DEAF1: variants seen among roughly 807,000 people sequenced by gnomAD.
DEAF1 encodes the protein deformed epidermal autoregulatory factor 1 homolog.
In DEAF1, 53 loss-of-function variants were observed where a neutral mutation model predicts 58.9. That is an observed-to-expected ratio of 0.90 (90% CI 0.72 to 1.13). The LOEUF (loss-of-function observed/expected upper bound fraction) is 1.13, where lower values mean the gene tolerates loss of function less well. Among genes scored for constraint, DEAF1 ranks in the 50% most tolerant of loss-of-function variants. DEAF1 has a pLI of 0.00. For missense variants in DEAF1, 685 were observed against 791.4 expected, an observed-to-expected ratio of 0.87 and a Z score of 1.61; for synonymous variants, 385 against 340.4, an observed-to-expected ratio of 1.13 and a Z score of -1.44.
chr11:685,869 G>A (rs182305772), intron 5 of DEAF1, among the ~76,000 whole-genome samples: 3 of 151,858 alleles, frequency 2.0e-5, no homozygotes, highest in East Asian at 2.0e-4. Context: ...ATTAGGCCGG[G>A]TATTGTGGCT....
chr11:681,411 CTTTTT>C (rs145689269), intron 6 of DEAF1, among the ~76,000 whole-genome samples: 18 of 123,136 alleles, frequency 1.5e-4, no homozygotes, highest in Non-Finnish European at 1.9e-4. Flanking sequence ...TTCTTTCTTT[CTTTTT>C]TTTTTTTTTT....
At chr11:703,010 A>G in intron 1 of DEAF1, 1 of 1,612,280 alleles carries the variant, frequency 6.2e-7, no homozygotes, top group South Asian at 1.1e-5. Flanking sequence ...CACGGCTGGC[A>G]CCGCCCTCCT....
At chr11:684,510 T>G (rs889265005) in intron 6 of DEAF1, among the ~76,000 whole-genome samples, 4 of 152,144 alleles carry the variant, frequency 2.6e-5, no homozygotes, top group African/African-American at 9.7e-5. Context: ...CGTTAAAAGC[T>G]CTACACATGA....
intron 1 of DEAF1, among the ~76,000 whole-genome samples, chr11:701,511 C>T (rs11246272): frequency 0.88 from 132,068 of 149,482 alleles, 58,583 homozygotes; most frequent in East Asian, 1. Flanking sequence ...CCCGGGTTCA[C>T]GCCAGTCTCC....
intron 6 of DEAF1, 49 bp from the exon 7 acceptor site, chr11:681,138 T>C (rs901764406): frequency 1.9e-5 from 30 of 1,612,352 alleles, no homozygotes; most frequent in Middle Eastern, 2.0e-4. Flanking sequence ...GCAAAAGCTA[T>C]GCTGCGCTTG....
intron 1 of DEAF1, among the ~76,000 whole-genome samples, chr11:702,520 T>C (rs1443109734): frequency 1.3e-5 from 2 of 152,230 alleles, no homozygotes. Context: ...GTTTTGTTTT[T>C]AATACATACT....
upstream of DEAF1, chr11:699,888 G>T: frequency 2.1e-6 from 1 of 470,994 alleles, no homozygotes; most frequent in Non-Finnish European, 3.8e-6. Flanking sequence ...CAGGAGGGCA[G>T]GGGCTGCAGT....
chr11:704,620 C>G, intron 1 of DEAF1: 1 of 1,289,368 alleles, frequency 7.8e-7, no homozygotes, highest in South Asian at 1.2e-5. Context: ...CTCCCTGAAG[C>G]TGGAGACCTG....
At position 677,442 on chromosome 11, in the gene DEAF1, G is replaced by A. The variant is rs1442657150; in HGVS notation, c.1255+1252C>T. 3.9e-5 allele frequency among the ~76,000 whole-genome samples: 4 copies of A among 103,708 alleles called. 2 individuals are homozygous for A. Among genetic ancestry groups the A allele is most frequent in the African/African-American group, 5.8e-5 (2 of 34,336 alleles). The allele number at this position is 103,708 out of a possible 152,430, so 68.0% of individuals were successfully genotyped here. A position where few individuals can be genotyped will look rare whatever the true frequency, so the allele number is the denominator to read the frequency against. Reference sequence around the variant, plus strand: ...CTCAAAAAAAAAACAAAAAAAGGATGAGCCACCACGCCCAGCCCTGAGGTA... The same window carrying A: ...CTCAAAAAAAAAACAAAAAAAGGATAAGCCACCACGCCCAGCCCTGAGGTA... On this transcript the variant is annotated intron_variant, in intron 9 of 11. Transcript: ENST00000382409.
chr11:701,411 T>C (rs1241870184), intron 1 of DEAF1, among the ~76,000 whole-genome samples: 3 of 131,370 alleles, frequency 2.3e-5, no homozygotes, highest in Non-Finnish European at 3.3e-5. Context: ...GGTTTCTTTT[T>C]TTTTTTTTTT....
At position 694,930 on chromosome 11, in the gene DEAF1, G is replaced by A; in HGVS notation, c.118C>T (p.Pro40Ser). The change falls in exon 1 of 12, where the codon CCG becomes TCG. Residue 40 changes from proline (P) to serine (S), a missense_variant. Physicochemically the swap from Pro to Ser is moderately conservative, Grantham distance 74 (BLOSUM62 -1). Around this residue, in one of 3 missense-constraint regions of DEAF1, gnomAD observed 210 missense variants for 177.3 expected, o/e 1.18. Transcript: ENST00000382409. The part of the protein sequence containing the change: ...AAAAGGEAEE[P>S]VLSRDEDSEE... ...GAGTCCTCGTCCCTGCTCAGCACCG[G>A]CTCCTCCGCCTCGCCTCCTGCCGCG... 2.9e-6 allele frequency: 4 copies of A among 1,358,756 alleles called. No homozygotes were observed. The highest frequency in any genetic ancestry group is 2.9e-6 in the Non-Finnish European group (3 of 1,052,024). The allele number at this position is 1,358,756 out of a possible 1,614,324, so 84.2% of individuals were successfully genotyped here.
rs1457883098 is a variant in DEAF1, at chr11:644,374, T to C, written c.*176A>G. 1 of 650,664 alleles carries C rather than the reference T, an allele frequency of 1.5e-6. No individual in the cohort carries two copies. Among genetic ancestry groups the C allele is most frequent in the East Asian group, 2.7e-5 (1 of 36,372 alleles). The allele number at this position is 650,664 out of a possible 1,614,324, so 40.3% of individuals were successfully genotyped here. A position where few individuals can be genotyped will look rare whatever the true frequency, so the allele number is the denominator to read the frequency against. On this transcript the variant is annotated 3_prime_UTR_variant, in exon 12 of 12. Coordinates refer to ENST00000382409, the MANE Select transcript of DEAF1 (RefSeq NM_021008.4). The surrounding 1 kb of genome is among the most constrained non-coding windows in gnomAD (Gnocchi z 4.3). Reference sequence around the variant, plus strand: ...GGGCAGGGGGCCCGGGCAGGGGGAGTGCGCTTCCCAGGGCACCATTCGCTT... The same window carrying C: ...GGGCAGGGGGCCCGGGCAGGGGGAGCGCGCTTCCCAGGGCACCATTCGCTT...
chr11:647,849 G>C (rs866738015), intron 11 of DEAF1, among the ~76,000 whole-genome samples: 239 of 149,020 alleles, frequency 1.6e-3, no homozygotes, highest in South Asian at 2.4e-3. Context: ...GCGGTGCTGG[G>C]AGCAGGTGGG....
At position 644,757 on chromosome 11, in the gene DEAF1, C is replaced by CCAGGTGAGGTT; in HGVS notation, c.1594-104_1594-103insAACCTCACCTG. On this transcript the variant is annotated intron_variant, in intron 11 of 11. Coordinates refer to ENST00000382409, the MANE Select transcript of DEAF1 (RefSeq NM_021008.4). This position sits in a 1 kb window ranked among gnomAD's most constrained non-coding sequence, Gnocchi z 4.3. ...CAGAGGGTGCAGCCCTCTGTAACCT[C>CCAGGTGAGGTT]ACCTGGAGGTGCTGAGAATGCCCTC... 1 of 898,722 alleles carries CCAGGTGAGGTT rather than the reference C, an allele frequency of 1.1e-6. No homozygotes were observed. The highest frequency in any genetic ancestry group is 1.8e-6 in the Non-Finnish European group (1 of 565,082). 55.7% of individuals were successfully genotyped at this position (898,722 alleles called of 1,614,324 possible).
chr11:676,635 G>A (rs990366854), intron 9 of DEAF1, among the ~76,000 whole-genome samples: 9 of 152,010 alleles, frequency 5.9e-5, no homozygotes, highest in African/African-American at 2.2e-4. Flanking sequence ...CTCCCGAGTA[G>A]CTGGGATTAC....
rs1019730224 is a variant in DEAF1 at position 669,770 on chromosome 11, A to C, written c.1503+4766T>G. 3.0e-4 allele frequency among the ~76,000 whole-genome samples: 45 copies of C among 151,850 alleles called. 1 individual carries two copies. Among genetic ancestry groups the C allele is most frequent in the Admixed American group, 2.4e-3 (37 of 15,248 alleles). On this transcript the variant is annotated intron_variant, in intron 10 of 11. Coordinates refer to ENST00000382409, the MANE Select transcript of DEAF1 (RefSeq NM_021008.4). ...CATGGTGAAACCTCGTCTCTACTTA[A>C]AACACAAAAATTAGCTGGGCATGGT...
intron 1 of DEAF1, among the ~76,000 whole-genome samples, chr11:701,597 G>C (rs189980059): frequency 6.6e-6 from 1 of 151,992 alleles, no homozygotes; most frequent in Admixed American, 6.5e-5. Context: ...TTTTAGTAGA[G>C]ATGGGGTTTC....
At chr11:666,007 G>C (rs1053938056) in intron 10 of DEAF1, 3 of 152,224 alleles carry the variant, frequency 2.0e-5, no homozygotes, top group Admixed American at 2.0e-4. Flanking sequence ...GACGGCTGAA[G>C]ACCGAGAACA....
intron 11 of DEAF1, among the ~76,000 whole-genome samples, chr11:652,241 AT>A (rs1322091468): frequency 1.5e-4 from 23 of 152,348 alleles, no homozygotes; most frequent in African/African-American, 5.0e-4. Flanking sequence ...TCTTTTTTAG[AT>A]CTACTCCTGA....
Sources: gnomAD v4.1 joint callset for allele counts (sites outside exome capture counted in the v4.1 genomes callset) on GRCh38, gnomAD v4.1.1 for gene constraint, gnomAD v4.1.1 regional missense constraint, Gnocchi (gnomAD v3.1) non-coding constraint, MANE v1.5 for transcripts, NCBI Gene and HGNC (gene_info 2026-07-23, HGNC 2026-07-21) for gene names.